Variants in DYTN observed in about 807,000 individuals in gnomAD.
DYTN encodes the protein dystrotelin.
In DYTN, 75 loss-of-function variants were observed where a neutral mutation model predicts 69.6. The ratio of observed to expected loss-of-function variants is 1.08; its 90% CI spans 0.89 to 1.31. The LOEUF (loss-of-function observed/expected upper bound fraction) is 1.31. DYTN is among the 50% of genes most tolerant of loss of function. The pLI, the probability that DYTN is intolerant of heterozygous loss-of-function variation, is 0.00. For synonymous variants in DYTN, 252 were observed against 249.1 expected (o/e 1.01, Z -0.11); for missense variants, 726 against 688.4 (o/e 1.05, Z -0.61).
intron 9 of DYTN, among the ~76,000 whole-genome samples, chr2:206,689,874 A>C (rs1044305048): frequency 2.0e-5 from 3 of 152,176 alleles, no homozygotes; most frequent in Admixed American, 2.0e-4. Flanking sequence ...TTATTCATTC[A>C]TTCATTCAGT....
chr2:206,714,295 C>G (rs1029056132), intron 1 of DYTN, among the ~76,000 whole-genome samples: 1 of 152,196 alleles, frequency 6.6e-6, no homozygotes, highest in Non-Finnish European at 1.5e-5. Flanking sequence ...CTCCACCTCC[C>G]GGGTTCATGC....
intron 8 of DYTN, among the ~76,000 whole-genome samples, chr2:206,693,966 T>C (rs777476036): frequency 2.0e-5 from 3 of 152,160 alleles, no homozygotes; most frequent in Non-Finnish European, 4.4e-5. Context: ...TGGAAATTAT[T>C]TGGCAAGATT....
intron 1 of DYTN, among the ~76,000 whole-genome samples, chr2:206,716,350 C>A (rs1165222797): frequency 6.6e-6 from 1 of 152,090 alleles, no homozygotes; most frequent in South Asian, 2.1e-4. Context: ...TGAGAACATG[C>A]CACAGGCCTC....
intron 3 of DYTN, among the ~76,000 whole-genome samples, chr2:206,706,544 G>A (rs980914508): frequency 1.3e-5 from 2 of 151,388 alleles, no homozygotes; most frequent in African/African-American, 4.8e-5. Flanking sequence ...AATTTGCCCA[G>A]TGGTTAAAAC....
intron 7 of DYTN, 66 bp from the exon 8 acceptor site, chr2:206,694,943 A>C: frequency 8.2e-7 from 1 of 1,220,624 alleles, no homozygotes; most frequent in Non-Finnish European, 1.1e-6. Flanking sequence ...AAAAAAGAAT[A>C]TCCAGGTAGA....
rs926027849 is a variant in DYTN at position 206,651,783 on chromosome 2, A to C, written c.*35T>G. On this transcript the variant is annotated 3_prime_UTR_variant, in exon 12 of 12. Coordinates refer to ENST00000452335, the MANE Select transcript of DYTN (RefSeq NM_001093730.1). ...TACAGTTGTGCAACTGCATTTTGTC[A>C]TCACACCAAGAGGCCTTTGAGCCTG... 6.3e-7 allele frequency: 1 copy of C among 1,582,568 alleles called. No individual in the cohort carries two copies. The highest frequency in any genetic ancestry group is 1.3e-5 in the African/African-American group (1 of 74,154).
intron 9 of DYTN, among the ~76,000 whole-genome samples, chr2:206,681,804 C>A (rs1227480368): frequency 6.6e-6 from 1 of 152,112 alleles, no homozygotes; most frequent in Non-Finnish European, 1.5e-5. Flanking sequence ...ATTTTTGCAT[C>A]AATGTTCATC....
intron 6 of DYTN, 78 bp from the exon 7 acceptor site, chr2:206,699,968 G>C: frequency 6.4e-7 from 1 of 1,557,766 alleles, no homozygotes; most frequent in Non-Finnish European, 8.7e-7. Flanking sequence ...CTCTAATTCT[G>C]TCAGTTCTGC....
intron 3 of DYTN, among the ~76,000 whole-genome samples, chr2:206,706,339 T>C (rs1042222064): frequency 2.0e-5 from 3 of 152,166 alleles, no homozygotes; most frequent in Non-Finnish European, 4.4e-5. Context: ...CTGTCTAGTT[T>C]ACAAACGTAC....
At chr2:206,708,613 G>A (rs970229776) in intron 2 of DYTN, among the ~76,000 whole-genome samples, 1 of 152,144 alleles carries the variant, frequency 6.6e-6, no homozygotes, top group African/African-American at 2.4e-5. Flanking sequence ...CTGAACACAG[G>A]CCGATTTCAT....
Position 206,666,008 on chromosome 2 carries a change from G to A in DYTN, c.1002C>T (p.Asn334=), listed in dbSNP as rs1010957369. Residue 334 remains asparagine (N), a synonymous_variant, in exon 10 of 12, where the codon AAC becomes AAT. Transcript: ENST00000452335. ...AQARLLKKQL[N]QYKDKLQAIY... is the part of the protein sequence containing the mutation. ...TAGCTTGCAACTTGTCTTTGTATTGGTTTAACTGTTTTTTAAGGAGCCTGA... is the reference window on the plus strand; with the variant it reads ...TAGCTTGCAACTTGTCTTTGTATTGATTTAACTGTTTTTTAAGGAGCCTGA... The A allele has an allele frequency of 3.1e-6, 5 of 1,613,648 alleles. No individual in the cohort carries two copies. In the African/African-American group the frequency reaches 4.0e-5, roughly 13 times the overall value.
chr2:206,681,321 A>T (rs1409588628), intron 9 of DYTN, among the ~76,000 whole-genome samples: 1 of 152,216 alleles, frequency 6.6e-6, no homozygotes, highest in South Asian at 2.1e-4. Context: ...ATCTGCAGAC[A>T]GAGACAATTT....
chr2:206,700,508 CA>C (rs1699965638), intron 5 of DYTN, among the ~76,000 whole-genome samples: 1 of 152,070 alleles, frequency 6.6e-6, no homozygotes, highest in South Asian at 2.1e-4. Flanking sequence ...CTTGTGATTC[CA>C]AATTATTTTA....
chr2:206,665,143 C>T (rs1699556024), intron 10 of DYTN, among the ~76,000 whole-genome samples: 2 of 152,072 alleles, frequency 1.3e-5, no homozygotes, highest in South Asian at 2.1e-4. Flanking sequence ...ATACTTCAAC[C>T]GAAACACATT....
At position 206,710,551 on chromosome 2, in the gene DYTN, A is replaced by T; in HGVS notation, c.67T>A (p.Leu23Ile). Reference sequence around the variant, plus strand: ...TGGCACAGAGTTTGCACTGATTGTAATTTGAAGGCTGTTCTATAAATGGAA... The same window carrying T: ...TGGCACAGAGTTTGCACTGATTGTATTTTGAAGGCTGTTCTATAAATGGAA... ...ENSIYRTAFK[L>I]QSVQTLCQLD... Residue 23 changes from leucine to isoleucine, a missense_variant, in exon 2 of 12, where the codon TTA becomes ATA. By Grantham distance (5) the Leu-to-Ile change is conservative. Transcript: ENST00000452335. The T allele has an allele frequency of 1.2e-6, 2 of 1,612,414 alleles. No homozygotes were observed. Among genetic ancestry groups the T allele is most frequent in the Non-Finnish European group, 1.7e-6 (2 of 1,179,300 alleles).
chr2:206,698,089 A>C (rs1327825968), intron 7 of DYTN, among the ~76,000 whole-genome samples: 1 of 152,192 alleles, frequency 6.6e-6, no homozygotes. Context: ...AATGATTATA[A>C]TGTACTCATA....
intron 1 of DYTN, among the ~76,000 whole-genome samples, chr2:206,717,701 TG>T (rs1457161130): frequency 6.6e-6 from 1 of 152,138 alleles, no homozygotes; most frequent in Non-Finnish European, 1.5e-5. Flanking sequence ...AAGATAACAA[TG>T]TAGATTTTGG....
intron 9 of DYTN, among the ~76,000 whole-genome samples, chr2:206,669,924 T>C (rs1172569318): frequency 6.6e-6 from 1 of 152,222 alleles, no homozygotes; most frequent in East Asian, 1.9e-4. Context: ...GCTAGTTTAT[T>C]GGACATGTAC....
chr2:206,713,529 G>A (rs1044482525), intron 1 of DYTN, among the ~76,000 whole-genome samples: 4 of 152,190 alleles, frequency 2.6e-5, no homozygotes, highest in Non-Finnish European at 5.9e-5. Flanking sequence ...TGATGCGCTG[G>A]GGGGATGGCC....
Sources: allele counts gnomAD v4.1 joint callset (sites outside exome capture counted in the v4.1 genomes callset), GRCh38; gene constraint gnomAD v4.1.1; transcripts MANE v1.5; gene names NCBI Gene and HGNC (gene_info 2026-07-23, HGNC 2026-07-21).